CIMIP4: variants seen among roughly 807,000 people sequenced by gnomAD.
CIMIP4 encodes the protein ciliary microtubule inner protein 4.
At chr22:36,996,217 G>T in the CIMIP4 span, among the ~76,000 whole-genome samples, 1 of 147,626 alleles carries the variant, frequency 6.8e-6, no homozygotes, top group African/African-American at 2.4e-5. Context: ...ACTCAGAGCA[G>T]TACCTGGCAT....
the CIMIP4 span, among the ~76,000 whole-genome samples, chr22:37,004,272 C>T: frequency 2.5e-3 from 379 of 152,254 alleles, 3 homozygotes; most frequent in African/African-American, 8.8e-3. Flanking sequence ...CTGAAAAGCC[C>T]TGGCCACCCC....
the CIMIP4 span, chr22:37,002,383 CAGAGATGGGGG>C: frequency 1.9e-6 from 1 of 531,238 alleles, no homozygotes; most frequent in Non-Finnish European, 2.5e-6. Flanking sequence ...GGGGAGGGGG[CAGAGATGGGGG>C]TGAGGAGGGG....
the CIMIP4 span, among the ~76,000 whole-genome samples, chr22:36,999,145 C>T: frequency 1.3e-5 from 2 of 151,744 alleles, no homozygotes; most frequent in Non-Finnish European, 2.9e-5. Context: ...GGTCCTGGGC[C>T]TCCTACTGGC....
the CIMIP4 span, among the ~76,000 whole-genome samples, chr22:37,003,020 C>T: frequency 9.9e-5 from 15 of 152,240 alleles, no homozygotes; most frequent in African/African-American, 3.6e-4. Flanking sequence ...CCTCATCCTC[C>T]ACCCCAGATT....
the CIMIP4 span, among the ~76,000 whole-genome samples, chr22:37,001,146 G>A: frequency 7.9e-5 from 12 of 152,032 alleles, no homozygotes; most frequent in Non-Finnish European, 1.6e-4. Context: ...ATTTTATCTC[G>A]TGTCAGTTGA....
the CIMIP4 span, among the ~76,000 whole-genome samples, chr22:37,003,106 C>G: frequency 1.3e-5 from 2 of 152,258 alleles, no homozygotes; most frequent in African/African-American, 2.4e-5. Flanking sequence ...GGCTGGGCAT[C>G]TTGGCCGTCA....
the CIMIP4 span, chr22:37,000,075 C>G: frequency 6.8e-7 from 1 of 1,471,778 alleles, no homozygotes; most frequent in Admixed American, 2.2e-5. Context: ...TTGACCCTGC[C>G]CTCCCCACCC....
the CIMIP4 span, among the ~76,000 whole-genome samples, chr22:36,995,376 TGAG>T: frequency 6.6e-6 from 1 of 152,196 alleles, no homozygotes; most frequent in South Asian, 2.1e-4. Flanking sequence ...ATGGAGCAGA[TGAG>T]GACCTTCATG....
the CIMIP4 span, among the ~76,000 whole-genome samples, chr22:37,003,712 C>T: frequency 6.6e-6 from 1 of 152,214 alleles, no homozygotes; most frequent in Admixed American, 6.5e-5. Flanking sequence ...CCTGAGTCAC[C>T]CCCTCAGGAT....
At chr22:37,002,206 C>T in the CIMIP4 span, 3 of 1,477,310 alleles carry the variant, frequency 2.0e-6, no homozygotes, top group African/African-American at 4.3e-5. Context: ...GGTTCTTGAA[C>T]TTGGAGGTGT....
chr22:36,993,015 TC>T, the CIMIP4 span, among the ~76,000 whole-genome samples: 1 of 141,466 alleles, frequency 7.1e-6, no homozygotes, highest in African/African-American at 2.6e-5. Context: ...GTTTTTTTTT[TC>T]TTTTTTTTTT....
At chr22:36,991,736 T>C in the CIMIP4 span, 2 of 696,832 alleles carry the variant, frequency 2.9e-6, no homozygotes, top group Non-Finnish European at 4.9e-6. Flanking sequence ...TAAAGTCGTT[T>C]GGGTTCAAAC....
chr22:36,997,689 C>T, the CIMIP4 span, among the ~76,000 whole-genome samples: 1 of 152,190 alleles, frequency 6.6e-6, no homozygotes, highest in Non-Finnish European at 1.5e-5. Flanking sequence ...CTGGAGTGAG[C>T]CCTTAACCTG....
At chr22:37,006,866 T>A in the CIMIP4 span, among the ~76,000 whole-genome samples, 28 of 152,310 alleles carry the variant, frequency 1.8e-4, no homozygotes, top group African/African-American at 6.7e-4. Flanking sequence ...TATAAGAGAC[T>A]ACAACTTCTG....
At chr22:36,996,072 G>A in the CIMIP4 span, among the ~76,000 whole-genome samples, 16 of 152,132 alleles carry the variant, frequency 1.1e-4, no homozygotes, top group East Asian at 9.7e-4. Context: ...AATTCTGACC[G>A]TCCCTATCTG....
the CIMIP4 span, among the ~76,000 whole-genome samples, chr22:37,000,449 C>T: frequency 5.9e-5 from 9 of 152,206 alleles, no homozygotes; most frequent in East Asian, 3.8e-4. Context: ...GGCCAACTCC[C>T]TCTTCATACC....
the CIMIP4 span, among the ~76,000 whole-genome samples, chr22:36,998,360 C>T: frequency 1.8e-4 from 28 of 152,208 alleles, no homozygotes; most frequent in African/African-American, 6.3e-4. Flanking sequence ...CCTGGTTCCT[C>T]AGGTGACAGG....
the CIMIP4 span, among the ~76,000 whole-genome samples, chr22:36,991,972 A>G: frequency 6.6e-6 from 1 of 152,214 alleles, no homozygotes; most frequent in Non-Finnish European, 1.5e-5. Context: ...ATACGTTGCA[A>G]TGATCAAGAG....
At chr22:36,991,803 G>A in the CIMIP4 span, among the ~76,000 whole-genome samples, 1 of 152,072 alleles carries the variant, frequency 6.6e-6, no homozygotes, top group Admixed American at 6.6e-5. Flanking sequence ...ACCTCTCTGA[G>A]CTTCAGTGTC....
Sources: gnomAD v4.1 joint callset for allele counts (sites outside exome capture counted in the v4.1 genomes callset) on GRCh38, gnomAD v4.1.1 for gene constraint, MANE v1.5 for transcripts, NCBI Gene and HGNC (gene_info 2026-07-23, HGNC 2026-07-21) for gene names.